The following APBB1IP variants were observed in gnomAD, a reference collection of about 807,000 sequenced individuals.
APBB1IP encodes amyloid beta A4 precursor protein-binding family B member 1-interacting protein.
A neutral mutation model predicts 64.9 loss-of-function variants in APBB1IP; 27 were observed. That is an observed-to-expected ratio of 0.42 (90% CI 0.31 to 0.57). The LOEUF (loss-of-function observed/expected upper bound fraction) is 0.57, where lower values mean the gene tolerates loss of function less well. Among genes scored for constraint, APBB1IP ranks in the 20% least tolerant of loss-of-function variants. The pLI is 0.20. For missense variants in APBB1IP, 812 were observed against 845.5 expected, an observed-to-expected ratio of 0.96 and a Z score of 0.49; for synonymous variants, 392 against 331.0, an observed-to-expected ratio of 1.18 and a Z score of -2.00.
chr10:26,483,556 AG>A (rs1435456223), intron 2 of APBB1IP, among the ~76,000 whole-genome samples: 1 of 152,184 alleles, frequency 6.6e-6, no homozygotes, highest in Non-Finnish European at 1.5e-5. Context: ...CATGCACAGA[AG>A]CAATTGAGTG....
chr10:26,484,778 C>A (rs1022433063), intron 2 of APBB1IP, among the ~76,000 whole-genome samples: 3 of 152,060 alleles, frequency 2.0e-5, no homozygotes, highest in Non-Finnish European at 2.9e-5. Context: ...TAATTTAATA[C>A]CATTCTGCTC....
chr10:26,492,253 G>A, intron 2 of APBB1IP, 74 bp from the exon 3 acceptor site: 1 of 1,359,848 alleles, frequency 7.4e-7, no homozygotes, highest in Non-Finnish European at 1.0e-6. Flanking sequence ...TTGGGGGAAA[G>A]AGAGGGATGC....
Position 26,482,185 on chromosome 10 carries a change from G to C in APBB1IP, c.1-10142G>C, listed in dbSNP as rs547359509. On this transcript the variant is annotated intron_variant, in intron 2 of 14. Coordinates refer to ENST00000376236, the MANE Select transcript of APBB1IP (RefSeq NM_019043.4). ...TTGCTAGCCTATTAAGATTTTCACC[G>C]ATCTCAGGGGTACAGTGCAAAGTTG... Among the ~76,000 whole-genome samples, 58 of 152,192 alleles carry C rather than the reference G, an allele frequency of 3.8e-4. No homozygotes were observed. The South Asian group carries it at 0.012, about 32-fold the overall frequency.
At chr10:26,557,589 T>G (rs11015175) in intron 11 of APBB1IP, among the ~76,000 whole-genome samples, 33,801 of 152,160 alleles carry the variant, frequency 0.22, 4,404 homozygotes, top group Non-Finnish European at 0.28. Context: ...ACAGAAATTC[T>G]AGGTGGTTAG....
chr10:26,546,750 A>G (rs1177262801), intron 11 of APBB1IP, among the ~76,000 whole-genome samples: 1 of 152,140 alleles, frequency 6.6e-6, no homozygotes, highest in Non-Finnish European at 1.5e-5. Context: ...GATTCCACAT[A>G]TGAGTGGAAT....
chr10:26,468,905 G>A (rs796735450), intron 2 of APBB1IP, among the ~76,000 whole-genome samples: 6 of 152,232 alleles, frequency 3.9e-5, no homozygotes, highest in African/African-American at 1.2e-4. Context: ...GTCCCCACAG[G>A]CTTATGCACT....
intron 2 of APBB1IP, among the ~76,000 whole-genome samples, chr10:26,439,896 G>C (rs1835321452): frequency 6.6e-6 from 1 of 152,124 alleles, no homozygotes; most frequent in Non-Finnish European, 1.5e-5. Context: ...CATAAACCTA[G>C]AGCAGCGATT....
intron 2 of APBB1IP, among the ~76,000 whole-genome samples, chr10:26,468,488 T>C (rs1564352836): frequency 6.6e-6 from 1 of 152,222 alleles, no homozygotes; most frequent in Non-Finnish European, 1.5e-5. Context: ...GACCCGTCAC[T>C]GTGTAGATGA....
chr10:26,511,261 T>C (rs563331508), intron 6 of APBB1IP, among the ~76,000 whole-genome samples: 1 of 152,124 alleles, frequency 6.6e-6, no homozygotes, highest in East Asian at 1.9e-4. Flanking sequence ...AGAGAATCAC[T>C]CAAACCCAGG....
chr10:26,497,721 ATTTT>A (rs895511347), intron 4 of APBB1IP, among the ~76,000 whole-genome samples: 1 of 100,354 alleles, frequency 1.0e-5, no homozygotes, highest in Middle Eastern at 6.5e-3. Flanking sequence ...TGTCCTCTGG[ATTTT>A]TTTTTTTTTT....
intron 2 of APBB1IP, among the ~76,000 whole-genome samples, chr10:26,441,293 C>T (rs890557166): frequency 1.3e-5 from 2 of 152,164 alleles, no homozygotes; most frequent in African/African-American, 4.8e-5. Flanking sequence ...ACATATTACA[C>T]TTTTAATTAT....
chr10:26,509,290 AG>A (rs1836223046), intron 6 of APBB1IP, among the ~76,000 whole-genome samples: 1 of 146,636 alleles, frequency 6.8e-6, no homozygotes, highest in South Asian at 2.1e-4. Context: ...GAGATTTTCA[AG>A]GGGGAAAAAA....
At chr10:26,500,629 T>C (rs1025834463) in intron 4 of APBB1IP, among the ~76,000 whole-genome samples, 190 bp from the exon 5 acceptor site, 1 of 152,226 alleles carries the variant, frequency 6.6e-6, no homozygotes, top group African/African-American at 2.4e-5. Flanking sequence ...ATGCAACAAA[T>C]GCAGCAACAG....
intron 13 of APBB1IP, chr10:26,562,039 C>T: frequency 3.5e-6 from 1 of 285,832 alleles, no homozygotes. Flanking sequence ...CCAGACCCTC[C>T]TCAGTGGGCT....
Position 26,464,406 on chromosome 10 carries a change from T to C in APBB1IP, c.-1+25553T>C, listed in dbSNP as rs146074283. On this transcript the variant is annotated intron_variant, in intron 2 of 14. Coordinates refer to ENST00000376236, the MANE Select transcript of APBB1IP (RefSeq NM_019043.4). ...TTTAGTCCTCGTGACAAATTTATTT[T>C]ATTTTATTTTTTGAGACAAGGTCCC... Among the ~76,000 whole-genome samples, 364 of 152,296 alleles carry C rather than the reference T, an allele frequency of 2.4e-3. 1 individual carries two copies. Among genetic ancestry groups the C allele is most frequent in the Non-Finnish European group, 3.8e-3 (259 of 68,020 alleles).
At chr10:26,524,361 A>G (rs984224319) in intron 8 of APBB1IP, among the ~76,000 whole-genome samples, 1 of 152,068 alleles carries the variant, frequency 6.6e-6, no homozygotes, top group African/African-American at 2.4e-5. Context: ...CCATTAGATC[A>G]TGTTTCTCCG....
intron 2 of APBB1IP, among the ~76,000 whole-genome samples, chr10:26,446,913 C>T (rs1458636446): frequency 6.7e-6 from 1 of 148,786 alleles, no homozygotes; most frequent in Non-Finnish European, 1.5e-5. Context: ...TGGTCCCTAC[C>T]CTCAAGAAGC....
intron 2 of APBB1IP, among the ~76,000 whole-genome samples, chr10:26,461,407 T>G (rs1414805335): frequency 6.6e-6 from 1 of 152,196 alleles, no homozygotes; most frequent in Admixed American, 6.5e-5. Context: ...AACTGCTAAC[T>G]TTTTCATACA....
chr10:26,511,661 G>T (rs1217242083), intron 6 of APBB1IP, 86 bp from the exon 7 acceptor site: 13 of 1,509,088 alleles, frequency 8.6e-6, no homozygotes, highest in Non-Finnish European at 1.2e-5. Flanking sequence ...GAAATTTGCA[G>T]AAACAATAGC....
Sources: allele counts gnomAD v4.1 joint callset (sites outside exome capture counted in the v4.1 genomes callset), GRCh38; gene constraint gnomAD v4.1.1; transcripts MANE v1.5; gene names NCBI Gene and HGNC (gene_info 2026-07-23, HGNC 2026-07-21).